DENND4C: variants seen among roughly 807,000 people sequenced by gnomAD.
DENND4C encodes DENN domain containing 4C.
DENND4C carries 108 observed loss-of-function variants against 203.0 expected under a neutral mutation model. The observed-to-expected ratio is 0.53, with a 90% CI of 0.46 to 0.62. The LOEUF is 0.62. Ranked by LOEUF, DENND4C falls within the 20% of genes least tolerant of loss-of-function variation. DENND4C has a pLI of 0.00. For missense variants in DENND4C, 2,481 were observed against 2,301.2 expected, an observed-to-expected ratio of 1.08 and a Z score of -1.60; for synonymous variants, 871 against 792.4, an observed-to-expected ratio of 1.10 and a Z score of -1.67.
intron 1 of DENND4C, among the ~76,000 whole-genome samples, chr9:19,264,218 G>A (rs1446332531): frequency 2.0e-5 from 3 of 151,750 alleles, no homozygotes; most frequent in Admixed American, 6.6e-5. Flanking sequence ...AGTATGGTTC[G>A]GTTTTGGTAG....
At chr9:19,245,684 G>A (rs1229833011) in intron 1 of DENND4C, among the ~76,000 whole-genome samples, 5 of 151,826 alleles carry the variant, frequency 3.3e-5, no homozygotes, top group African/African-American at 7.3e-5. Context: ...GTGAAACCCC[G>A]TCTCTACTAA....
intron 26 of DENND4C, among the ~76,000 whole-genome samples, chr9:19,356,609 ATTTTT>A (rs887796304): frequency 6.8e-6 from 1 of 147,816 alleles, no homozygotes; most frequent in Non-Finnish European, 1.5e-5. Context: ...GCAGCTCTTT[ATTTTT>A]TTTTTTAACT....
chr9:19,363,872 G>T (rs973094146), intron 30 of DENND4C, among the ~76,000 whole-genome samples: 10 of 152,044 alleles, frequency 6.6e-5, no homozygotes, highest in African/African-American at 2.2e-4. Flanking sequence ...AAATTAGCCA[G>T]GCTTGGTGAT....
intron 1 of DENND4C, among the ~76,000 whole-genome samples, chr9:19,271,138 T>C (rs1218080928): frequency 6.6e-6 from 1 of 151,986 alleles, no homozygotes; most frequent in Non-Finnish European, 1.5e-5. Flanking sequence ...ACCCTAATTA[T>C]TTAATGCAGT....
intron 1 of DENND4C, among the ~76,000 whole-genome samples, chr9:19,270,886 C>G (rs550160312): frequency 4.9e-4 from 74 of 152,182 alleles, no homozygotes; most frequent in Non-Finnish European, 5.7e-4. Flanking sequence ...AGCAGGATTG[C>G]ATTATATGAG....
At chr9:19,302,394 G>T (rs753598388) in intron 9 of DENND4C, among the ~76,000 whole-genome samples, 1 of 152,212 alleles carries the variant, frequency 6.6e-6, no homozygotes, top group Non-Finnish European at 1.5e-5. Flanking sequence ...TATTTTGCTA[G>T]CATATAGCTT....
Position 19,328,174 on chromosome 9 carries a change from T to C in DENND4C, c.2253+12T>C. 6.3e-7 allele frequency: 1 copy of C among 1,597,336 alleles called. No homozygotes were observed. Among genetic ancestry groups the C allele is most frequent in the East Asian group, 2.2e-5 (1 of 44,630 alleles). On this transcript the variant is annotated intron_variant, in intron 16 of 32. Transcript: ENST00000434457. ...AGAGAACTAAACAGGTCAGATATTCTTTATCTAATACATGTTCATTTAAGA... is the reference window on the plus strand; with the variant it reads ...AGAGAACTAAACAGGTCAGATATTCCTTATCTAATACATGTTCATTTAAGA...
chr9:19,295,391 G>C (rs1837229638), intron 5 of DENND4C, among the ~76,000 whole-genome samples: 1 of 152,072 alleles, frequency 6.6e-6, no homozygotes, highest in African/African-American at 2.4e-5. Flanking sequence ...TATAGTCCCA[G>C]TTACTTGGGA....
rs564352400 is a variant in DENND4C at position 19,258,034 on chromosome 9, C to CT, written c.-17-18122dup. On this transcript the variant is annotated intron_variant, in intron 1 of 32. Transcript: ENST00000434457. Reference sequence around the variant, plus strand: ...TTGAGATGCTGAGGTGGGAGGAACACTTGAGCCTGGGAGGTTGAGACTGCA... The same window carrying CT: ...TTGAGATGCTGAGGTGGGAGGAACACTTTGAGCCTGGGAGGTTGAGACTGCA... 8.3e-4 allele frequency among the ~76,000 whole-genome samples: 126 copies of CT among 152,192 alleles called. 1 individual carries two copies. Among genetic ancestry groups the CT allele is most frequent in the Non-Finnish European group, 1.5e-3 (102 of 68,016 alleles).
chr9:19,291,694 T>TA (rs1836340919), intron 5 of DENND4C, among the ~76,000 whole-genome samples: 1 of 104,638 alleles, frequency 9.6e-6, no homozygotes, highest in African/African-American at 3.4e-5. Context: ...TACAGAGCGA[T>TA]ACTCTTTCTA....
At chr9:19,253,892 G>T (rs1052694107) in intron 1 of DENND4C, among the ~76,000 whole-genome samples, 1 of 152,282 alleles carries the variant, frequency 6.6e-6, no homozygotes, top group Middle Eastern at 3.4e-3. Flanking sequence ...TGTAGTCCCA[G>T]TGCTTAGGGA....
At chr9:19,297,977 G>A (rs1271073781) in intron 6 of DENND4C, 79 bp from the exon 7 acceptor site, 5 of 1,126,656 alleles carry the variant, frequency 4.4e-6, no homozygotes, top group African/African-American at 1.6e-5. Context: ...ATGATATATA[G>A]TGATATTTAA....
chr9:19,372,205 G>C lies in DENND4C; in HGVS notation c.*32G>C, dbSNP rs368328156. 1.9e-5 allele frequency: 30 copies of C among 1,582,856 alleles called. 1 individual carries two copies. Among genetic ancestry groups the C allele is most frequent in the Non-Finnish European group, 2.6e-5 (30 of 1,165,992 alleles). On this transcript the variant is annotated 3_prime_UTR_variant, in exon 33 of 33. Coordinates refer to ENST00000434457, the MANE Select transcript of DENND4C (RefSeq NM_001330640.2). The stretch of plus-strand genomic sequence containing the variant: ...ATTCACTAGAATGTTGACACACAAG[G>C]CTTGGGGATTAGATTTCATCTGGAA...
At chr9:19,278,931 T>C (rs1178046814) in intron 2 of DENND4C, among the ~76,000 whole-genome samples, 2 of 152,090 alleles carry the variant, frequency 1.3e-5, no homozygotes, top group Non-Finnish European at 2.9e-5. Context: ...ACTATTCAAA[T>C]TGTAGCCCAT....
In DENND4C at chr9:19,346,455, A is replaced by G. The variant is rs771762499; in HGVS notation, c.3686A>G (p.Asn1229Ser). The G allele has an allele frequency of 1.7e-5, 28 of 1,614,104 alleles. No homozygotes were observed. The highest frequency in any genetic ancestry group is 6.7e-5 in the African/African-American group (5 of 74,948). ...DLKTVSKDLR[N>S]KRSSLYGIAK... is the part of the protein sequence containing the mutation. ...AAAACAGTATCCAAAGATCTGAGGA[A>G]TAAGAGAAGTAGTTTATATGGTATT... The change falls in exon 23 of 33, where the codon AAT becomes AGT. Residue 1229 changes from asparagine (N) to serine (S), a missense_variant. Transcript: ENST00000434457.
At chr9:19,249,612 G>A (rs145306355) in intron 1 of DENND4C, among the ~76,000 whole-genome samples, 112 of 152,202 alleles carry the variant, frequency 7.4e-4, no homozygotes, top group African/African-American at 2.6e-3. Flanking sequence ...CCACAAAACA[G>A]TAAAATAGTT....
chr9:19,315,515 A>G (rs1324772254), intron 10 of DENND4C, among the ~76,000 whole-genome samples: 1 of 150,952 alleles, frequency 6.6e-6, no homozygotes, highest in Admixed American at 6.6e-5. Context: ...ACATGTATGT[A>G]TATACATGTA....
chr9:19,268,518 C>G (rs991645586), intron 1 of DENND4C, among the ~76,000 whole-genome samples: 7 of 152,172 alleles, frequency 4.6e-5, no homozygotes, highest in African/African-American at 1.7e-4. Flanking sequence ...TTTGCTATTA[C>G]CAGGGAGTTT....
chr9:19,321,829 C>T (rs1297038356), intron 12 of DENND4C, among the ~76,000 whole-genome samples: 2 of 107,910 alleles, frequency 1.9e-5, no homozygotes, highest in Non-Finnish European at 3.5e-5. Flanking sequence ...GAGACTCCAT[C>T]TCAAAAAAAA....
Sources: allele counts gnomAD v4.1 joint callset (sites outside exome capture counted in the v4.1 genomes callset), GRCh38; gene constraint gnomAD v4.1.1; transcripts MANE v1.5; gene names NCBI Gene and HGNC (gene_info 2026-07-23, HGNC 2026-07-21).